The following PPFIBP1 variants were observed in gnomAD, a reference collection of about 807,000 sequenced individuals.
PPFIBP1 encodes the protein liprin-beta-1.
In PPFIBP1, 112 loss-of-function variants were observed where a neutral mutation model predicts 137.8. The observed-to-expected ratio is 0.81, with a 90% CI of 0.70 to 0.95. PPFIBP1 has a LOEUF of 0.95. Ranked by LOEUF, PPFIBP1 falls within the 40% of genes least tolerant of loss-of-function variation. PPFIBP1 has a pLI of 0.00. For missense variants in PPFIBP1, 1,083 were observed against 1,196.6 expected, an observed-to-expected ratio of 0.91 and a Z score of 1.40; for synonymous variants, 378 against 417.3, an observed-to-expected ratio of 0.91 and a Z score of 1.15.
At chr12:27,663,054 C>T (rs899046744) in intron 11 of PPFIBP1, among the ~76,000 whole-genome samples, 1 of 152,204 alleles carries the variant, frequency 6.6e-6, no homozygotes, top group African/African-American at 2.4e-5. Context: ...TAGTGTCACT[C>T]ACATGTCCAG....
chr12:27,650,164 C>CCT (rs367885450), intron 7 of PPFIBP1, 23 bp downstream of exon 7: 515 of 1,514,604 alleles, frequency 3.4e-4, no homozygotes, highest in South Asian at 5.3e-4. Flanking sequence ...GTCTCTCCTC[C>CCT]CTCTCTCTCT....
At chr12:27,677,155 C>T (rs539087379) in intron 19 of PPFIBP1, 59 bp downstream of exon 19, 1 of 1,591,106 alleles carries the variant, frequency 6.3e-7, no homozygotes, top group Non-Finnish European at 8.6e-7. Context: ...AATCTAATCC[C>T]TGCTCTTGGC....
At chr12:27,644,496 A>G (rs2058339569) in intron 4 of PPFIBP1, among the ~76,000 whole-genome samples, 1 of 152,110 alleles carries the variant, frequency 6.6e-6, no homozygotes, top group African/African-American at 2.4e-5. Flanking sequence ...GTTAATGTCC[A>G]TAATCAAAAT....
chr12:27,563,723 C>T (rs1443828746), intron 1 of PPFIBP1, among the ~76,000 whole-genome samples: 3 of 152,102 alleles, frequency 2.0e-5, no homozygotes, highest in African/African-American at 7.2e-5. Flanking sequence ...TAGTGTCTTT[C>T]CCCAGGCTGT....
In PPFIBP1 at chr12:27,595,889, ATATAT is replaced by A. The variant is rs1473801981; in HGVS notation, c.-36+17651_-36+17655del. 2.3e-3 allele frequency among the ~76,000 whole-genome samples: 204 copies of A among 89,100 alleles called. 1 individual carries two copies. Among genetic ancestry groups the A allele is most frequent in the African/African-American group, 6.9e-3 (182 of 26,480 alleles). 58.5% of individuals were successfully genotyped at this position (89,100 alleles called of 152,430 possible). A position where few individuals can be genotyped will look rare whatever the true frequency, so the allele number is the denominator to read the frequency against. ...ACAACAACAACAACAACAACAAAATATATATATATATATATATATATATATATATA... is the reference window on the plus strand; with the variant it reads ...ACAACAACAACAACAACAACAAAATAATATATATATATATATATATATATA... On this transcript the variant is annotated intron_variant, in intron 2 of 29. Transcript: ENST00000228425.
intron 14 of PPFIBP1, among the ~76,000 whole-genome samples, chr12:27,672,124 A>G (rs1052180160): frequency 2.0e-5 from 3 of 152,162 alleles, no homozygotes; most frequent in African/African-American, 4.8e-5. Context: ...CCGAGGTCAT[A>G]GGTAACTGTC....
At chr12:27,662,059 G>A (rs2059586201) in intron 11 of PPFIBP1, among the ~76,000 whole-genome samples, 1 of 151,632 alleles carries the variant, frequency 6.6e-6, no homozygotes, top group South Asian at 2.1e-4. Context: ...CTTATGAGAT[G>A]CTCAAACTGT....
At chr12:27,622,829 C>A (rs2056461098) in intron 2 of PPFIBP1, among the ~76,000 whole-genome samples, 1 of 152,166 alleles carries the variant, frequency 6.6e-6, no homozygotes, top group Admixed American at 6.5e-5. Flanking sequence ...TAATGCTTAA[C>A]CTTTACTCCT....
intron 24 of PPFIBP1, among the ~76,000 whole-genome samples, chr12:27,687,048 T>C (rs1218136997): frequency 6.6e-6 from 1 of 152,188 alleles, no homozygotes; most frequent in Non-Finnish European, 1.5e-5. Context: ...AATTCCCTGT[T>C]TGTAGTATGT....
intron 7 of PPFIBP1, among the ~76,000 whole-genome samples, chr12:27,653,527 C>T (rs1424687408): frequency 7.8e-5 from 11 of 141,420 alleles, no homozygotes; most frequent in East Asian, 2.3e-4. Flanking sequence ...GCGAAGGTCG[C>T]GGTGAGCTGA....
At chr12:27,619,681 C>T (rs551147861) in intron 2 of PPFIBP1, among the ~76,000 whole-genome samples, 38 of 152,250 alleles carry the variant, frequency 2.5e-4, no homozygotes, top group African/African-American at 9.1e-4. Flanking sequence ...ATGCTATATC[C>T]AGTTCTGTTG....
rs563189089 is a variant in PPFIBP1 at position 27,623,598 on chromosome 12, G to C, written c.-35-9764G>C. Among the ~76,000 whole-genome samples the C allele has an allele frequency of 2.6e-5, 4 of 152,152 alleles. 1 individual carries two copies. The highest frequency in any genetic ancestry group is 9.6e-5 in the African/African-American group (4 of 41,496). On this transcript the variant is annotated intron_variant, in intron 2 of 29. Coordinates refer to ENST00000228425, the MANE Select transcript of PPFIBP1 (RefSeq NM_003622.4). ...TCGCACCCACCTGTGGTCCCAGCTA[G>C]TGGGGAGGCTGAGGTGGGAGGATCA...
intron 13 of PPFIBP1, among the ~76,000 whole-genome samples, chr12:27,670,275 G>A (rs907744210): frequency 4.6e-5 from 7 of 152,196 alleles, no homozygotes; most frequent in African/African-American, 1.7e-4. Context: ...TTGAGAAAAT[G>A]TATTATGCAT....
At chr12:27,606,102 A>G (rs1449636775) in intron 2 of PPFIBP1, among the ~76,000 whole-genome samples, 1 of 152,172 alleles carries the variant, frequency 6.6e-6, no homozygotes, top group Non-Finnish European at 1.5e-5. Flanking sequence ...TTAATAAGAA[A>G]AGGATTTGCA....
At chr12:27,589,955 C>T (rs1452109949) in intron 2 of PPFIBP1, among the ~76,000 whole-genome samples, 2 of 152,190 alleles carry the variant, frequency 1.3e-5, no homozygotes, top group African/African-American at 2.4e-5. Context: ...TCTCACTTGA[C>T]GTCTACTTGA....
intron 19 of PPFIBP1, among the ~76,000 whole-genome samples, chr12:27,678,856 CAAAAA>C (rs60834907): frequency 3.3e-4 from 33 of 98,956 alleles, no homozygotes; most frequent in Admixed American, 1.4e-3. Flanking sequence ...GACTCTGTCT[CAAAAA>C]AAAAAAAAAA....
intron 2 of PPFIBP1, among the ~76,000 whole-genome samples, chr12:27,598,538 CTGTGTGTGTGTGTGTGTGTG>C (rs71039825): frequency 8.6e-5 from 13 of 150,838 alleles, no homozygotes; most frequent in South Asian, 8.4e-4. Context: ...TCTCTATAAT[CTGTGTGTGTGTGTGTGTGTG>C]TGTGTGTGTG....
intron 2 of PPFIBP1, among the ~76,000 whole-genome samples, chr12:27,630,773 T>C (rs556536378): frequency 1.3e-5 from 2 of 152,308 alleles, no homozygotes; most frequent in Admixed American, 1.3e-4. Flanking sequence ...CTCTCACTCT[T>C]CCTGCTTCTG....
In PPFIBP1 at chr12:27,601,824, C is replaced by A. The variant is rs538142285; in HGVS notation, c.-36+23585C>A. On this transcript the variant is annotated intron_variant, in intron 2 of 29. Coordinates refer to ENST00000228425, the MANE Select transcript of PPFIBP1 (RefSeq NM_003622.4). ...AATTCTGCCACACATATAAACATTT[C>A]ATGGCCAGCAGGCACAAAAACATCA... 1.2e-3 allele frequency among the ~76,000 whole-genome samples: 180 copies of A among 152,320 alleles called. 3 individuals carry two copies. The highest frequency in any genetic ancestry group is 0.01 in the Middle Eastern group (3 of 294).
Sources: gnomAD v4.1 joint callset for allele counts (sites outside exome capture counted in the v4.1 genomes callset) on GRCh38, gnomAD v4.1.1 for gene constraint, MANE v1.5 for transcripts, NCBI Gene and HGNC (gene_info 2026-07-23, HGNC 2026-07-21) for gene names.